ITPR2: variants seen among roughly 807,000 people sequenced by gnomAD.
ITPR2 encodes inositol 1,4,5-trisphosphate receptor type 2.
In ITPR2, 207 loss-of-function variants were observed where a neutral mutation model predicts 317.1. That is an observed-to-expected ratio of 0.65 (90% CI 0.58 to 0.73). The LOEUF (loss-of-function observed/expected upper bound fraction) is 0.73, where lower values mean the gene tolerates loss of function less well. Ranked by LOEUF, ITPR2 falls within the 30% of genes least tolerant of loss-of-function variation. The pLI is 0.00. For synonymous variants in ITPR2, 1,156 were observed against 1,149.1 expected, an observed-to-expected ratio of 1.01 and a Z score of -0.12; for missense variants, 2,613 against 3,284.0, an observed-to-expected ratio of 0.80 and a Z score of 4.99.
At position 26,686,493 on chromosome 12, in the gene ITPR2, C is replaced by T. The variant is rs751486316; in HGVS notation, c.1136G>A (p.Cys379Tyr). 2.5e-6 allele frequency: 4 copies of T among 1,577,716 alleles called. No individual in the cohort carries two copies. Among genetic ancestry groups the T allele is most frequent in the Non-Finnish European group, 3.4e-6 (4 of 1,162,076 alleles). ...LDATTLQRAD[C>Y]LVPRNSYVRL... ...TAATTTTTTTTACCTTGGAACCAGG[C>T]AGTCAGCTCTCTGAAGAGTTGTGGC... The change falls in exon 11 of 57, where the codon TGC becomes TAC. Residue 379 changes from cysteine to tyrosine, a missense_variant. By Grantham distance (194) the Cys-to-Tyr change is radical (BLOSUM62 -2). Transcript: ENST00000381340.
At chr12:26,448,272 C>G (rs1257368733) in intron 45 of ITPR2, among the ~76,000 whole-genome samples, 1 of 151,730 alleles carries the variant, frequency 6.6e-6, no homozygotes, top group African/African-American at 2.4e-5. Context: ...TGTCACTATA[C>G]AAACGTGTTC....
In ITPR2 at chr12:26,477,061, G is replaced by T. The variant is rs868711042; in HGVS notation, c.6124-54C>A. On this transcript the variant is annotated intron_variant, in intron 43 of 56. Coordinates refer to ENST00000381340, the MANE Select transcript of ITPR2 (RefSeq NM_002223.4). ...TGCAAAGTCTATTTCATGGATTAAC[G>T]ATTTCTCTGCATTTGTTTTAATTGA... The T allele has an allele frequency of 1.9e-5, 21 of 1,121,168 alleles. No individual in the cohort carries two copies. In the East Asian group the frequency reaches 4.6e-4, roughly 25 times the overall value. The allele number at this position is 1,121,168 out of a possible 1,614,324, so 69.5% of individuals were successfully genotyped here.
chr12:26,693,461 C>T (rs887563870), intron 10 of ITPR2, among the ~76,000 whole-genome samples: 2 of 152,112 alleles, frequency 1.3e-5, no homozygotes, highest in African/African-American at 4.8e-5. Context: ...TTCCAGGACC[C>T]CCTGCAAATA....
In ITPR2 at chr12:26,400,274, C is replaced by A. The variant is rs1228358841; in HGVS notation, c.7400-16G>T. ...TCTTCATCAGCTATAAAAACACATA[C>A]AAATATATGATATAAAATTATGTAA... On this transcript the variant is annotated splice_polypyrimidine_tract_variant and intron_variant, in intron 52 of 56. Coordinates refer to ENST00000381340, the MANE Select transcript of ITPR2 (RefSeq NM_002223.4). 3 of 1,433,736 alleles carry A rather than the reference C, an allele frequency of 2.1e-6. No individual in the cohort carries two copies. The highest frequency in any genetic ancestry group is 4.8e-5 in the East Asian group (2 of 41,324). 88.8% of individuals were successfully genotyped at this position (1,433,736 alleles called of 1,614,324 possible).
intron 2 of ITPR2, among the ~76,000 whole-genome samples, chr12:26,757,707 G>A (rs1025244305): frequency 1.3e-5 from 2 of 152,140 alleles, no homozygotes; most frequent in Non-Finnish European, 2.9e-5. Context: ...TAATTCAAGG[G>A]ACAACTGTGG....
At chr12:26,505,655 T>C (rs1298396134) in intron 37 of ITPR2, among the ~76,000 whole-genome samples, 1 of 152,172 alleles carries the variant, frequency 6.6e-6, no homozygotes, top group Non-Finnish European at 1.5e-5. Context: ...TCACCCTCTA[T>C]TAGATTATAA....
chr12:26,613,551 A>T (rs935332350), intron 26 of ITPR2, among the ~76,000 whole-genome samples: 1 of 134,076 alleles, frequency 7.5e-6, no homozygotes, highest in African/African-American at 2.9e-5. Flanking sequence ...GAGTTTTGCT[A>T]TATCATACAC....
At chr12:26,382,588 C>G (rs1939541018) in intron 55 of ITPR2, among the ~76,000 whole-genome samples, 1 of 152,086 alleles carries the variant, frequency 6.6e-6, no homozygotes, top group Admixed American at 6.6e-5. Context: ...TCTCTTGAAC[C>G]TGGGAGGCAG....
At chr12:26,604,989 G>A (rs912862629) in intron 26 of ITPR2, among the ~76,000 whole-genome samples, 3 of 151,600 alleles carry the variant, frequency 2.0e-5, no homozygotes, top group Admixed American at 1.3e-4. Flanking sequence ...TCAGGAGGCT[G>A]AGGCAGGAGA....
At chr12:26,492,328 T>G (rs1225198166) in intron 39 of ITPR2, among the ~76,000 whole-genome samples, 3 of 152,034 alleles carry the variant, frequency 2.0e-5, no homozygotes, top group Non-Finnish European at 2.9e-5. Flanking sequence ...CCCAGCAATA[T>G]GAGGATATAA....
rs189295472 is a variant in ITPR2, at chr12:26,669,915, G to A, written c.1410-3864C>T. Among the ~76,000 whole-genome samples, 400 of 152,372 alleles carry A rather than the reference G, an allele frequency of 2.6e-3. 1 individual carries two copies. The highest frequency in any genetic ancestry group is 8.5e-3 in the African/African-American group (355 of 41,582). ...GATTACATCCCACACATGGCTGGGA[G>A]GGTCCTACGCCCATGGGGTCTCGCT... On this transcript the variant is annotated intron_variant, in intron 13 of 56. Coordinates refer to ENST00000381340, the MANE Select transcript of ITPR2 (RefSeq NM_002223.4).
chr12:26,455,617 G>A lies in ITPR2; in HGVS notation c.6343-11967C>T, dbSNP rs545703508. Reference sequence around the variant, plus strand: ...TTAAATGTTATCTAGTCATTCAGAAGTTAAATAACCCAGGTTGCAAATGAA... The same window carrying A: ...TTAAATGTTATCTAGTCATTCAGAAATTAAATAACCCAGGTTGCAAATGAA... On this transcript the variant is annotated intron_variant, in intron 45 of 56. Coordinates refer to ENST00000381340, the MANE Select transcript of ITPR2 (RefSeq NM_002223.4). Among the ~76,000 whole-genome samples the A allele has an allele frequency of 5.9e-5, 9 of 152,236 alleles. No homozygotes were observed. The East Asian group carries it at 1.7e-3, about 29-fold the overall frequency.
chr12:26,674,492 T>A (rs572789251), intron 13 of ITPR2, among the ~76,000 whole-genome samples: 2 of 152,324 alleles, frequency 1.3e-5, no homozygotes, highest in East Asian at 3.9e-4. Flanking sequence ...TGGCTAGCCA[T>A]ATGTAGAAAG....
At chr12:26,553,182 G>C (rs1944571502) in intron 36 of ITPR2, among the ~76,000 whole-genome samples, 1 of 152,136 alleles carries the variant, frequency 6.6e-6, no homozygotes, top group African/African-American at 2.4e-5. Context: ...TCTATAAATG[G>C]ATCACACCCC....
At chr12:26,812,561 A>C (rs1950775276) in intron 1 of ITPR2, among the ~76,000 whole-genome samples, 1 of 152,234 alleles carries the variant, frequency 6.6e-6, no homozygotes, top group South Asian at 2.1e-4. Context: ...CCTGGGCGAC[A>C]GAGCGAGACT....
At chr12:26,376,883 C>G (rs112904949) in intron 55 of ITPR2, among the ~76,000 whole-genome samples, 1 of 152,168 alleles carries the variant, frequency 6.6e-6, no homozygotes, top group African/African-American at 2.4e-5. Context: ...AGTGTGCAAC[C>G]ATGCCCAGCT....
intron 38 of ITPR2, among the ~76,000 whole-genome samples, 166 bp downstream of exon 38, chr12:26,494,986 G>A (rs533398582): frequency 8.5e-5 from 13 of 152,082 alleles, no homozygotes; most frequent in South Asian, 2.1e-4. Flanking sequence ...CAATTCTGAT[G>A]TTCAAATCTG....
At chr12:26,722,621 G>A (rs1408879716) in intron 4 of ITPR2, 66 bp from the exon 5 acceptor site, 2 of 1,209,228 alleles carry the variant, frequency 1.7e-6, no homozygotes, top group Admixed American at 2.0e-5. Context: ...ACATTCATAT[G>A]TTTTATACAT....
At chr12:26,670,068 C>T (rs1256177509) in intron 13 of ITPR2, among the ~76,000 whole-genome samples, 2 of 152,250 alleles carry the variant, frequency 1.3e-5, no homozygotes, top group African/African-American at 4.8e-5. Flanking sequence ...GTGAAGCCCA[C>T]CACAGCTCAA....
Sources: gnomAD v4.1 joint callset for allele counts (sites outside exome capture counted in the v4.1 genomes callset) on GRCh38, gnomAD v4.1.1 for gene constraint, MANE v1.5 for transcripts, NCBI Gene and HGNC (gene_info 2026-07-23, HGNC 2026-07-21) for gene names.